TTLL5: variants seen among roughly 807,000 people sequenced by gnomAD.
TTLL5 encodes tubulin tyrosine ligase like 5, also known as tubulin polyglutamylase TTLL5.
A neutral mutation model predicts 168.4 loss-of-function variants in TTLL5; 132 were observed. That is an observed-to-expected ratio of 0.78 (90% CI 0.68 to 0.91). TTLL5 has a LOEUF of 0.91. TTLL5 is among the 40% of genes least tolerant of loss of function. The pLI, the probability that TTLL5 is intolerant of heterozygous loss-of-function variation, is 0.00. For synonymous variants in TTLL5, 546 were observed against 558.6 expected, an observed-to-expected ratio of 0.98 and a Z score of 0.32; for missense variants, 1,545 against 1,581.5, an observed-to-expected ratio of 0.98 and a Z score of 0.39.
At chr14:75,713,697 G>A (rs1887247788) in intron 9 of TTLL5, among the ~76,000 whole-genome samples, 1 of 152,192 alleles carries the variant, frequency 6.6e-6, no homozygotes, top group Admixed American at 6.5e-5. Flanking sequence ...GTGGAGACTG[G>A]AGAATGGAGA....
intron 28 of TTLL5, among the ~76,000 whole-genome samples, chr14:75,859,051 C>G (rs1897282263): frequency 6.6e-6 from 1 of 152,196 alleles, no homozygotes; most frequent in African/African-American, 2.4e-5. Context: ...TACATGGTAG[C>G]TTGTGTTTGG....
chr14:75,820,287 C>G (rs1894751924), intron 28 of TTLL5, 126 bp downstream of exon 28: 1 of 1,008,032 alleles, frequency 9.9e-7, no homozygotes, highest in Non-Finnish European at 1.3e-6. Context: ...CTCCACCTGC[C>G]TCGATCCTCT....
intron 18 of TTLL5, among the ~76,000 whole-genome samples, chr14:75,760,220 A>C (rs1890546313): frequency 6.6e-6 from 1 of 152,086 alleles, no homozygotes; most frequent in Non-Finnish European, 1.5e-5. Context: ...GGAAAATGAA[A>C]TTTTAAATTA....
At chr14:75,753,071 A>T in intron 18 of TTLL5, 116 bp downstream of exon 18, 1 of 983,542 alleles carries the variant, frequency 1.0e-6, no homozygotes, top group Non-Finnish European at 1.5e-6. Flanking sequence ...TGCTAGAAAA[A>T]AAAGTCCTGT....
At chr14:75,770,179 G>GAAAAAAAA (rs56876692) in intron 20 of TTLL5, among the ~76,000 whole-genome samples, 19 of 84,998 alleles carry the variant, frequency 2.2e-4, no homozygotes, top group Non-Finnish European at 3.6e-4. Context: ...ACTCTGTCTC[G>GAAAAAAAA]AAAAAAAAAA....
intron 31 of TTLL5, among the ~76,000 whole-genome samples, chr14:75,902,827 A>C (rs1007296136): frequency 6.6e-6 from 1 of 152,262 alleles, no homozygotes; most frequent in African/African-American, 2.4e-5. Flanking sequence ...ATTAAGTCAG[A>C]AAATTGAACA....
chr14:75,811,887 C>T (rs776986607), intron 27 of TTLL5, among the ~76,000 whole-genome samples: 5 of 152,188 alleles, frequency 3.3e-5, no homozygotes, highest in Non-Finnish European at 5.9e-5. Flanking sequence ...CGACTTTTAA[C>T]AAACAGCAGT....
intron 2 of TTLL5, among the ~76,000 whole-genome samples, chr14:75,664,239 C>A (rs1218392624): frequency 6.6e-6 from 1 of 152,112 alleles, no homozygotes; most frequent in Non-Finnish European, 1.5e-5. Context: ...CTCAGTGACC[C>A]ATAGAGAGTA....
At chr14:75,890,966 A>C (rs1319026931) in intron 30 of TTLL5, among the ~76,000 whole-genome samples, 1 of 152,076 alleles carries the variant, frequency 6.6e-6, no homozygotes, top group Non-Finnish European at 1.5e-5. Flanking sequence ...TGACCTGCCC[A>C]CCTCAGCCTC....
intron 31 of TTLL5, among the ~76,000 whole-genome samples, chr14:75,939,980 T>C (rs1206541939): frequency 6.6e-6 from 1 of 152,030 alleles, no homozygotes; most frequent in Non-Finnish European, 1.5e-5. Context: ...ATCCCAGAGG[T>C]TTGAGGCTTG....
intron 21 of TTLL5, among the ~76,000 whole-genome samples, chr14:75,773,983 G>A (rs1278928584): frequency 1.3e-5 from 2 of 148,562 alleles, no homozygotes; most frequent in Non-Finnish European, 3.0e-5. Flanking sequence ...GAGAGAGAGA[G>A]AGAGAGAGAG....
chr14:75,847,653 A>G lies in TTLL5; in HGVS notation c.3327-16014A>G, dbSNP rs144852564. ...TTACAGATGAAGAAACTAAGCACAG[A>G]GAAATGAAATCACTTGCCCAAGATA... is the stretch of plus-strand genomic sequence containing the variant. On this transcript the variant is annotated intron_variant, in intron 28 of 31. Transcript: ENST00000298832. The G allele has an allele frequency of 1.8e-4, 27 of 152,200 alleles. No individual in the cohort carries two copies. In the East Asian group the frequency reaches 5.2e-3, roughly 29 times the overall value. The allele number at this position is 152,200 out of a possible 1,614,324, so 9.4% of individuals were successfully genotyped here.
intron 3 of TTLL5, among the ~76,000 whole-genome samples, chr14:75,677,426 C>T (rs1377756039): frequency 1.6e-5 from 2 of 126,876 alleles, no homozygotes. Context: ...GACAGGGTCT[C>T]ACCCTGTCAC....
chr14:75,820,449 T>G (rs960342215), intron 28 of TTLL5, among the ~76,000 whole-genome samples: 1 of 152,232 alleles, frequency 6.6e-6, no homozygotes, highest in African/African-American at 2.4e-5. Flanking sequence ...AGTCATCATT[T>G]TTATGTGCCA....
chr14:75,766,623 A>G (rs1386903616), intron 20 of TTLL5, among the ~76,000 whole-genome samples: 2 of 152,152 alleles, frequency 1.3e-5, no homozygotes, highest in Non-Finnish European at 2.9e-5. Flanking sequence ...CACTGAGTAT[A>G]AGGTAACTGG....
intron 17 of TTLL5, among the ~76,000 whole-genome samples, chr14:75,751,034 G>T (rs1464083565): frequency 2.0e-5 from 3 of 152,114 alleles, no homozygotes; most frequent in Non-Finnish European, 2.9e-5. Flanking sequence ...TCCCTTATTT[G>T]CAGTAAATGG....
At chr14:75,787,313 AAG>A (rs1892425271) in intron 26 of TTLL5, among the ~76,000 whole-genome samples, 1 of 152,316 alleles carries the variant, frequency 6.6e-6, no homozygotes, top group East Asian at 1.9e-4. Context: ...AAATTGAAAA[AAG>A]AAATACGAGA....
intron 28 of TTLL5, among the ~76,000 whole-genome samples, chr14:75,862,805 G>A (rs2030132002): frequency 6.6e-6 from 1 of 152,080 alleles, no homozygotes. Flanking sequence ...AATTAGCCAG[G>A]CATGATGGCA....
chr14:75,874,936 T>C (rs1351993526), intron 29 of TTLL5, among the ~76,000 whole-genome samples: 1 of 132,440 alleles, frequency 7.6e-6, no homozygotes, highest in Non-Finnish European at 1.6e-5. Context: ...TGGGGGCCTT[T>C]TTTTTTTTTT....
Sources: gnomAD v4.1 joint callset for allele counts (sites outside exome capture counted in the v4.1 genomes callset) on GRCh38, gnomAD v4.1.1 for gene constraint, MANE v1.5 for transcripts, NCBI Gene and HGNC (gene_info 2026-07-23, HGNC 2026-07-21) for gene names.